AHCYL2: variants seen among roughly 807,000 people sequenced by gnomAD.
AHCYL2 encodes S-adenosylhomocysteine hydrolase-like protein 2.
AHCYL2 carries 28 observed loss-of-function variants against 81.4 expected under a neutral mutation model. That is an observed-to-expected ratio of 0.34 (90% CI 0.25 to 0.47). AHCYL2 has a LOEUF of 0.47. Among genes scored for constraint, AHCYL2 ranks in the 20% least tolerant of loss-of-function variants. AHCYL2 has a pLI of 1.00. For missense variants in AHCYL2, 551 were observed against 785.1 expected (o/e 0.70, Z 3.56); for synonymous variants, 272 against 290.2 (o/e 0.94, Z 0.64).
intron 1 of AHCYL2, among the ~76,000 whole-genome samples, chr7:129,292,296 T>G (rs934653931): frequency 6.6e-6 from 1 of 152,190 alleles, no homozygotes; most frequent in Non-Finnish European, 1.5e-5. Flanking sequence ...TGTCATGAAT[T>G]TATGCGTGGA....
intron 4 of AHCYL2, among the ~76,000 whole-genome samples, chr7:129,392,332 G>A (rs370328712): frequency 6.6e-6 from 1 of 152,158 alleles, no homozygotes; most frequent in South Asian, 2.1e-4. Flanking sequence ...AGTTCTGGAG[G>A]CTAGGAAGTC....
chr7:129,379,743 A>T lies in AHCYL2; in HGVS notation c.469A>T (p.Ser157Cys). The part of the protein sequence containing the change: ...SISQSSTDSY[S>C]SAASYTDSSD... ...TTCTCAGTCATCTACTGACAGCTAC[A>T]GCTCAGGTGAGTACTGAACTGCTGT... Residue 157 changes from serine to cysteine, a missense_variant, in exon 2 of 17, where the codon AGC becomes TGC. Physicochemically the swap from Ser to Cys is moderately radical, Grantham distance 112. This residue lies in a region of AHCYL2 where 235 missense variants were observed against 242.1 expected (regional missense o/e 0.97). Transcript: ENST00000325006. The T allele has an allele frequency of 6.2e-7, 1 of 1,613,834 alleles. No homozygotes were observed. Among genetic ancestry groups the T allele is most frequent in the Non-Finnish European group, 8.5e-7 (1 of 1,179,828 alleles).
At chr7:129,231,330 C>G (rs1794430787) in intron 1 of AHCYL2, among the ~76,000 whole-genome samples, 1 of 152,002 alleles carries the variant, frequency 6.6e-6, no homozygotes, top group South Asian at 2.1e-4. Flanking sequence ...ACTACTACTA[C>G]TAGTACTACC....
chr7:129,399,312 T>G (rs1795909795), intron 5 of AHCYL2, among the ~76,000 whole-genome samples: 2 of 150,326 alleles, frequency 1.3e-5, no homozygotes, highest in Admixed American at 1.3e-4. Context: ...CTGGGCGTGG[T>G]GCCACGCACC....
At chr7:129,341,850 C>T (rs1028951648) in intron 1 of AHCYL2, among the ~76,000 whole-genome samples, 6 of 152,126 alleles carry the variant, frequency 3.9e-5, no homozygotes, top group African/African-American at 2.4e-5. Context: ...GTAATCTGTC[C>T]ACGATCTTGA....
At chr7:129,366,804 GT>G (rs939974325) in intron 1 of AHCYL2, among the ~76,000 whole-genome samples, 14 of 150,458 alleles carry the variant, frequency 9.3e-5, no homozygotes, top group Non-Finnish European at 2.1e-4. Context: ...TTTATAGAAA[GT>G]TTATTTTGCC....
intron 1 of AHCYL2, among the ~76,000 whole-genome samples, chr7:129,225,689 T>A (rs897453590): frequency 6.6e-6 from 1 of 152,000 alleles, no homozygotes; most frequent in Non-Finnish European, 1.5e-5. Flanking sequence ...CCCTACTACT[T>A]GGAATAGGCA....
At chr7:129,230,851 G>A (rs572744953) in intron 1 of AHCYL2, among the ~76,000 whole-genome samples, 4 of 152,186 alleles carry the variant, frequency 2.6e-5, no homozygotes, top group South Asian at 2.1e-4. Flanking sequence ...GATTACAGGC[G>A]TCAGCCACCA....
intron 1 of AHCYL2, among the ~76,000 whole-genome samples, chr7:129,283,981 C>T (rs1272041315): frequency 6.6e-6 from 1 of 152,126 alleles, no homozygotes; most frequent in African/African-American, 2.4e-5. Context: ...TTAAACCTTT[C>T]TACAATGGAG....
intron 1 of AHCYL2, among the ~76,000 whole-genome samples, chr7:129,234,497 C>G (rs950674420): frequency 2.0e-5 from 3 of 152,016 alleles, no homozygotes; most frequent in African/African-American, 7.3e-5. Context: ...CCCACTTTGG[C>G]CTCTCAAAGT....
chr7:129,405,781 C>T, intron 8 of AHCYL2, 55 bp from the exon 9 acceptor site: 2 of 1,535,798 alleles, frequency 1.3e-6, no homozygotes, highest in East Asian at 2.3e-5. Context: ...TCAATCTAAC[C>T]TCAAGGGAGA....
At chr7:129,241,517 G>A (rs1794853987) in intron 1 of AHCYL2, among the ~76,000 whole-genome samples, 1 of 152,100 alleles carries the variant, frequency 6.6e-6, no homozygotes, top group African/African-American at 2.4e-5. Context: ...CTTTAACTCG[G>A]GAGGCAGAGG....
intron 1 of AHCYL2, 142 bp from the exon 2 acceptor site, chr7:129,379,496 C>CA: frequency 1.6e-6 from 1 of 614,594 alleles, no homozygotes; most frequent in South Asian, 2.1e-5. Context: ...TTCTTATCTT[C>CA]AAAGGGTCTT....
At chr7:129,233,744 C>G (rs1318558196) in intron 1 of AHCYL2, among the ~76,000 whole-genome samples, 1 of 152,208 alleles carries the variant, frequency 6.6e-6, no homozygotes, top group Non-Finnish European at 1.5e-5. Flanking sequence ...CTCAGCCTCC[C>G]AAAGTGCTGA....
At chr7:129,293,225 AAAGG>A (rs1364802614) in intron 1 of AHCYL2, among the ~76,000 whole-genome samples, 1 of 152,228 alleles carries the variant, frequency 6.6e-6, no homozygotes, top group Non-Finnish European at 1.5e-5. Context: ...AATTTTTAAA[AAAGG>A]AAGCTAAGAA....
rs145324517 is a variant in AHCYL2 at position 129,403,597 on chromosome 7, C to T, written c.1025+112C>T. On this transcript the variant is annotated intron_variant, in intron 7 of 16. Coordinates refer to ENST00000325006, the MANE Select transcript of AHCYL2 (RefSeq NM_015328.4). ...TTGGAGCCTGGGCCAGGCGCGGTGG[C>T]TCACGCCTGTAATCCCAGCACTTTG... The T allele has an allele frequency of 5.2e-4, 297 of 567,092 alleles. No homozygotes were observed. The African/African-American group carries it at 5.4e-3, about 10-fold the overall frequency. 35.1% of individuals were successfully genotyped at this position (567,092 alleles called of 1,614,324 possible). A position where few individuals can be genotyped will look rare whatever the true frequency, so the allele number is the denominator to read the frequency against.
intron 12 of AHCYL2, among the ~76,000 whole-genome samples, chr7:129,418,081 C>G (rs1279969288): frequency 6.6e-6 from 1 of 152,084 alleles, no homozygotes; most frequent in East Asian, 1.9e-4. Flanking sequence ...GAGGGAGACA[C>G]CTGCTTGATG....
At chr7:129,231,277 TTGCAGTTGTGTGTTTGA>T (rs1794428805) in intron 1 of AHCYL2, among the ~76,000 whole-genome samples, 1 of 152,112 alleles carries the variant, frequency 6.6e-6, no homozygotes, top group South Asian at 2.1e-4. Flanking sequence ...GGAGCTGAAG[TTGCAGTTGTGTGTTTGA>T]TGTCTTGAGG....
At chr7:129,269,215 C>T (rs1434540935) in intron 1 of AHCYL2, among the ~76,000 whole-genome samples, 1 of 151,090 alleles carries the variant, frequency 6.6e-6, no homozygotes, top group Non-Finnish European at 1.5e-5. Context: ...CTCAACCTCC[C>T]AGGCTCAAGC....
Sources: gnomAD v4.1 joint callset for allele counts (sites outside exome capture counted in the v4.1 genomes callset) on GRCh38, gnomAD v4.1.1 for gene constraint, gnomAD v4.1.1 regional missense constraint, MANE v1.5 for transcripts, NCBI Gene and HGNC (gene_info 2026-07-23, HGNC 2026-07-21) for gene names.